Variants in IPMK observed in about 807,000 individuals in gnomAD.
IPMK encodes inositol 1,3,4,6-tetrakisphosphate 5-kinase.
Under a neutral mutation model 45.8 loss-of-function variants are expected in IPMK, and 17 were observed. That is an observed-to-expected ratio of 0.37 (90% CI 0.25 to 0.56). The LOEUF is 0.56. Ranked by LOEUF, IPMK falls within the 20% of genes least tolerant of loss-of-function variation. IPMK has a pLI of 0.79. For synonymous variants in IPMK, 180 were observed against 184.3 expected (o/e 0.98, Z 0.19); for missense variants, 399 against 498.0 (o/e 0.80, Z 1.89).
At chr10:58,240,014 GAC>G (rs1209774096) in intron 1 of IPMK, among the ~76,000 whole-genome samples, 2 of 152,100 alleles carry the variant, frequency 1.3e-5, no homozygotes, top group Non-Finnish European at 2.9e-5. Flanking sequence ...AAAAAATTAT[GAC>G]ACATACTCAA....
At chr10:58,214,790 G>T (rs762617628) in intron 4 of IPMK, among the ~76,000 whole-genome samples, 1 of 152,084 alleles carries the variant, frequency 6.6e-6, no homozygotes, top group African/African-American at 2.4e-5. Flanking sequence ...TTACCTTCAC[G>T]CATCTAGAAG....
In IPMK at chr10:58,193,036, A is replaced by C. The variant is rs192775132; in HGVS notation, c.*3040T>G. ...TTACCATAGTGGACACAATTCCTGT[A>C]ATTTCATAAACAGAATTCTTTCGTT... On this transcript the variant is annotated 3_prime_UTR_variant, in exon 6 of 6. Transcript: ENST00000373935. The C allele has an allele frequency of 6.6e-6, 1 of 152,114 alleles. No individual in the cohort carries two copies. The highest frequency in any genetic ancestry group is 1.5e-5 in the Non-Finnish European group (1 of 67,844). The allele number at this position is 152,114 out of a possible 1,614,324, so 9.4% of individuals were successfully genotyped here. A position where few individuals can be genotyped will look rare whatever the true frequency, so the allele number is the denominator to read the frequency against.
chr10:58,242,558 A>G (rs1387113313), intron 1 of IPMK, among the ~76,000 whole-genome samples: 1 of 152,178 alleles, frequency 6.6e-6, no homozygotes, highest in Non-Finnish European at 1.5e-5. Context: ...AATACATGGT[A>G]TAACAGAGAT....
At chr10:58,234,367 A>C (rs1838575756) in intron 2 of IPMK, among the ~76,000 whole-genome samples, 1 of 152,232 alleles carries the variant, frequency 6.6e-6, no homozygotes, top group South Asian at 2.1e-4. Context: ...GACAATCCTA[A>C]GCAAAAAGAA....
Position 58,195,901 on chromosome 10 carries a change from T to C in IPMK, c.*175A>G, listed in dbSNP as rs547539483. On this transcript the variant is annotated 3_prime_UTR_variant, in exon 6 of 6. Coordinates refer to ENST00000373935, the MANE Select transcript of IPMK (RefSeq NM_152230.5). ...TCTTCATAGTTTTCTAATGAACAAA[T>C]AGTTAGTTTTCCTGAGTAAGATTAT... The C allele has an allele frequency of 2.1e-5, 13 of 610,088 alleles. No individual in the cohort carries two copies. In the African/African-American group the frequency reaches 2.4e-4, roughly 11 times the overall value. The allele number at this position is 610,088 out of a possible 1,614,324, so 37.8% of individuals were successfully genotyped here.
At chr10:58,240,657 G>GAAA (rs200716414) in intron 1 of IPMK, among the ~76,000 whole-genome samples, 1 of 114,040 alleles carries the variant, frequency 8.8e-6, no homozygotes, top group Admixed American at 9.3e-5. Flanking sequence ...CATACACCAC[G>GAAA]AAAAAAAAAA....
At chr10:58,235,082 G>A (rs923046285) in intron 2 of IPMK, among the ~76,000 whole-genome samples, 2 of 152,162 alleles carry the variant, frequency 1.3e-5, no homozygotes, top group Non-Finnish European at 2.9e-5. Context: ...ATCAGCACTG[G>A]TCATCAGAGC....
At chr10:58,258,585 A>G (rs1401660922) in intron 1 of IPMK, among the ~76,000 whole-genome samples, 1 of 152,184 alleles carries the variant, frequency 6.6e-6, no homozygotes, top group Non-Finnish European at 1.5e-5. Context: ...GAAAATACCA[A>G]ATAGTCGGAA....
At chr10:58,225,652 A>C (rs959344520) in intron 3 of IPMK, among the ~76,000 whole-genome samples, 5 of 152,154 alleles carry the variant, frequency 3.3e-5, no homozygotes, top group Non-Finnish European at 7.4e-5. Flanking sequence ...GTAGATTTTC[A>C]ATCAAACACC....
intron 3 of IPMK, among the ~76,000 whole-genome samples, chr10:58,221,261 C>T (rs1838328912): frequency 6.6e-6 from 1 of 152,104 alleles, no homozygotes; most frequent in Non-Finnish European, 1.5e-5. Flanking sequence ...CTTAAAGTTG[C>T]TCAACTATCA....
At position 58,264,976 on chromosome 10, in the gene IPMK, G is replaced by A. The variant is rs114975945; in HGVS notation, c.190+2446C>T. ...CCTGGGAGAATGAGTAGGGGGAAGGGCACTACTTAAACTGAATTTTTTTCC... is the reference window on the plus strand; with the variant it reads ...CCTGGGAGAATGAGTAGGGGGAAGGACACTACTTAAACTGAATTTTTTTCC... On this transcript the variant is annotated intron_variant, in intron 1 of 5. Transcript: ENST00000373935. 3.1e-3 allele frequency among the ~76,000 whole-genome samples: 475 copies of A among 152,214 alleles called. 3 individuals carry two copies. Among genetic ancestry groups the A allele is most frequent in the African/African-American group, 0.011 (460 of 41,540 alleles).
intron 4 of IPMK, among the ~76,000 whole-genome samples, chr10:58,211,919 A>AAAAAAAAT (rs967150743): frequency 1.3e-5 from 2 of 148,280 alleles, no homozygotes; most frequent in African/African-American, 5.2e-5. Context: ...AAAAAAAAAA[A>AAAAAAAAT]AAAAAATTTG....
At chr10:58,227,678 T>A (rs2590316) in intron 2 of IPMK, among the ~76,000 whole-genome samples, 51,409 of 151,856 alleles carry the variant, frequency 0.34, 10,936 homozygotes, top group African/African-American at 0.61. Context: ...TTATCTTTTT[T>A]AAAAAAAATC....
intron 4 of IPMK, among the ~76,000 whole-genome samples, chr10:58,201,830 C>T (rs955867811): frequency 6.6e-6 from 1 of 152,158 alleles, no homozygotes; most frequent in Non-Finnish European, 1.5e-5. Flanking sequence ...GTGCTAACTA[C>T]AGTAAACACA....
intron 4 of IPMK, among the ~76,000 whole-genome samples, chr10:58,201,164 A>G (rs1314388954): frequency 6.6e-6 from 1 of 152,216 alleles, no homozygotes. Flanking sequence ...TAGAGAAAAA[A>G]TAAGTATAAT....
chr10:58,258,870 C>T (rs1839013725), intron 1 of IPMK, among the ~76,000 whole-genome samples: 1 of 151,950 alleles, frequency 6.6e-6, no homozygotes, highest in Non-Finnish European at 1.5e-5. Context: ...AAGAAATGGA[C>T]AACGAAGAAA....
chr10:58,243,116 G>A (rs985660780), intron 1 of IPMK, among the ~76,000 whole-genome samples: 1 of 151,934 alleles, frequency 6.6e-6, no homozygotes, highest in African/African-American at 2.4e-5. Flanking sequence ...GTGTGAAAAT[G>A]AACTAATACA....
intron 1 of IPMK, among the ~76,000 whole-genome samples, chr10:58,252,759 CCCA>C (rs1242289210): frequency 2.0e-5 from 3 of 151,734 alleles, no homozygotes; most frequent in African/African-American, 7.3e-5. Flanking sequence ...ATTACAGGCA[CCCA>C]CCACCCGCCT....
intron 3 of IPMK, among the ~76,000 whole-genome samples, chr10:58,218,121 T>C (rs2132154026): frequency 6.6e-6 from 1 of 152,322 alleles, no homozygotes; most frequent in East Asian, 1.9e-4. Context: ...CTAAGTGAAG[T>C]TAAGCCCAAA....
Sources: gnomAD v4.1 joint callset for allele counts (sites outside exome capture counted in the v4.1 genomes callset) on GRCh38, gnomAD v4.1.1 for gene constraint, MANE v1.5 for transcripts, NCBI Gene and HGNC (gene_info 2026-07-23, HGNC 2026-07-21) for gene names.